The following DLG1 variants were observed in gnomAD, a reference collection of about 807,000 sequenced individuals.
The protein encoded by DLG1 is discs large MAGUK scaffold protein 1.
In DLG1, 42 loss-of-function variants were observed where a neutral mutation model predicts 123.4. That is an observed-to-expected ratio of 0.34 (90% CI 0.27 to 0.44). DLG1 has a LOEUF of 0.44. DLG1 is among the 20% of genes least tolerant of loss of function. The probability of loss-of-function intolerance (pLI) is 1.00; values close to 1 mark genes in which losing one functional copy is unlikely to be tolerated. For synonymous variants in DLG1, 317 were observed against 356.2 expected, an observed-to-expected ratio of 0.89 and a Z score of 1.24; for missense variants, 942 against 1,082.6, an observed-to-expected ratio of 0.87 and a Z score of 1.82.
chr3:197,172,454 C>G (rs1306098426), intron 5 of DLG1, among the ~76,000 whole-genome samples: 1 of 152,040 alleles, frequency 6.6e-6, no homozygotes. Flanking sequence ...TATTATCTGT[C>G]TTCTTCTACT....
intron 11 of DLG1, among the ~76,000 whole-genome samples, chr3:197,125,324 G>C (rs929207838): frequency 2.0e-4 from 30 of 152,044 alleles, no homozygotes; most frequent in Admixed American, 1.8e-3. Flanking sequence ...GCAGAATTTT[G>C]TGCTTTTCTC....
intron 19 of DLG1, chr3:197,068,391 A>T: frequency 1.3e-6 from 1 of 750,962 alleles, no homozygotes; most frequent in Non-Finnish European, 2.1e-6. Flanking sequence ...ACCAAAAAAA[A>T]AATCATTAAG....
intron 4 of DLG1, among the ~76,000 whole-genome samples, chr3:197,273,329 C>T (rs1764784739): frequency 1.3e-5 from 2 of 151,742 alleles, no homozygotes; most frequent in Admixed American, 6.6e-5. Flanking sequence ...CTCACTGCAA[C>T]CTCTGCTTCC....
intron 13 of DLG1, among the ~76,000 whole-genome samples, chr3:197,113,217 T>A (rs1771095378): frequency 6.6e-6 from 1 of 152,232 alleles, no homozygotes; most frequent in Admixed American, 6.5e-5. Context: ...CCATATTTAC[T>A]AAGATTTTCT....
At chr3:197,141,460 C>T (rs1373457354) in intron 7 of DLG1, among the ~76,000 whole-genome samples, 3 of 152,172 alleles carry the variant, frequency 2.0e-5, no homozygotes, top group Non-Finnish European at 2.9e-5. Flanking sequence ...GAATATTACT[C>T]CAGTAGCCAC....
intron 4 of DLG1, among the ~76,000 whole-genome samples, chr3:197,236,931 A>C (rs969111970): frequency 1.3e-5 from 2 of 152,230 alleles, no homozygotes; most frequent in Non-Finnish European, 1.5e-5. Context: ...TGAATTAGGA[A>C]AGGTTATTTA....
intron 23 of DLG1, among the ~76,000 whole-genome samples, chr3:197,058,337 A>G (rs935054213): frequency 1.3e-5 from 2 of 152,174 alleles, no homozygotes; most frequent in Non-Finnish European, 2.9e-5. Context: ...TTGATTTTCA[A>G]CATTCTTTCC....
At chr3:197,063,249 G>T (rs1737096017) in intron 22 of DLG1, among the ~76,000 whole-genome samples, 1 of 149,324 alleles carries the variant, frequency 6.7e-6, no homozygotes, top group East Asian at 2.0e-4. Flanking sequence ...GTATCATTTT[G>T]CTTTTCCCCC....
At chr3:197,215,784 G>C (rs1733838882) in intron 4 of DLG1, among the ~76,000 whole-genome samples, 1 of 152,046 alleles carries the variant, frequency 6.6e-6, no homozygotes, top group Admixed American at 6.6e-5. Flanking sequence ...ACCAAATATA[G>C]AATTCAGAAT....
chr3:197,272,076 A>G (rs1265588063), intron 4 of DLG1, among the ~76,000 whole-genome samples: 1 of 152,252 alleles, frequency 6.6e-6, no homozygotes, highest in African/African-American at 2.4e-5. Context: ...CCCAGCTAAC[A>G]CATCACAGTA....
chr3:197,239,260 T>A (rs1747614243), intron 4 of DLG1, among the ~76,000 whole-genome samples: 1 of 151,642 alleles, frequency 6.6e-6, no homozygotes, highest in Non-Finnish European at 1.5e-5. Context: ...ACAAAACCTA[T>A]CAAGACTAAA....
intron 4 of DLG1, among the ~76,000 whole-genome samples, chr3:197,207,798 T>C (rs919249266): frequency 6.1e-5 from 9 of 146,482 alleles, no homozygotes; most frequent in Non-Finnish European, 1.1e-4. Context: ...AGGGGGAAAA[T>C]GGGTAGCTAC....
intron 5 of DLG1, among the ~76,000 whole-genome samples, chr3:197,168,012 C>T (rs537345598): frequency 1.3e-5 from 2 of 152,262 alleles, no homozygotes; most frequent in South Asian, 2.1e-4. Flanking sequence ...AAAGTACATG[C>T]TTATGTCAAA....
At chr3:197,125,692 T>C (rs1380274602) in intron 11 of DLG1, among the ~76,000 whole-genome samples, 1 of 152,124 alleles carries the variant, frequency 6.6e-6, no homozygotes, top group Non-Finnish European at 1.5e-5. Flanking sequence ...GTAACTGAGT[T>C]GAAGTGGAGG....
At chr3:197,183,887 GC>G in intron 5 of DLG1, 1 of 1,486,720 alleles carries the variant, frequency 6.7e-7, no homozygotes, top group Non-Finnish European at 9.0e-7. Flanking sequence ...GGTAAAAACT[GC>G]AGCTACAATT....
At chr3:197,085,493 A>C in intron 16 of DLG1, 87 bp downstream of exon 16, 1 of 1,359,096 alleles carries the variant, frequency 7.4e-7, no homozygotes, top group Non-Finnish European at 1.0e-6. Flanking sequence ...CTCCAGGTCC[A>C]TCCATGTTGT....
chr3:197,219,146 A>T (rs548276973), intron 4 of DLG1, among the ~76,000 whole-genome samples: 1 of 152,100 alleles, frequency 6.6e-6, no homozygotes, highest in Non-Finnish European at 1.5e-5. Flanking sequence ...AAAAGAAGAA[A>T]AAAAAAAGAA....
chr3:197,266,032 G>A (rs540184805), intron 4 of DLG1, among the ~76,000 whole-genome samples: 6 of 152,212 alleles, frequency 3.9e-5, no homozygotes, highest in East Asian at 3.9e-4. Flanking sequence ...CCTGGGCAAC[G>A]GGGCAAGACT....
chr3:197,159,674 G>T (rs1797995994), intron 5 of DLG1, among the ~76,000 whole-genome samples: 1 of 152,110 alleles, frequency 6.6e-6, no homozygotes, highest in Non-Finnish European at 1.5e-5. Flanking sequence ...ATTTTATAAT[G>T]TACACATTGT....
Sources: allele counts gnomAD v4.1 joint callset (sites outside exome capture counted in the v4.1 genomes callset), GRCh38; gene constraint gnomAD v4.1.1; transcripts MANE v1.5; gene names NCBI Gene and HGNC (gene_info 2026-07-23, HGNC 2026-07-21).